Variants in ADAMTS17 observed in about 807,000 individuals in gnomAD.
The protein encoded by ADAMTS17 is ADAM metallopeptidase with thrombospondin type 1 motif 17, also known as A disintegrin and metalloproteinase with thrombospondin motifs 17.
In ADAMTS17, 113 loss-of-function variants were observed where a neutral mutation model predicts 141.5. The ratio of observed to expected loss-of-function variants is 0.80; its 90% CI spans 0.69 to 0.93. The LOEUF is 0.93. ADAMTS17 is among the 40% of genes least tolerant of loss of function. The pLI, the probability that ADAMTS17 is intolerant of heterozygous loss-of-function variation, is 0.00. For missense variants in ADAMTS17, 1,659 were observed against 1,517.9 expected (o/e 1.09, Z -1.54); for synonymous variants, 768 against 630.6 (o/e 1.22, Z -3.27).
chr15:99,991,630 T>C (rs1305499521), intron 20 of ADAMTS17, among the ~76,000 whole-genome samples: 1 of 152,212 alleles, frequency 6.6e-6, no homozygotes, highest in African/African-American at 2.4e-5. Flanking sequence ...CTCAAGGATC[T>C]AGAACCAGAA....
chr15:100,124,307 T>C (rs2037607295), intron 12 of ADAMTS17, among the ~76,000 whole-genome samples: 1 of 152,190 alleles, frequency 6.6e-6, no homozygotes, highest in South Asian at 2.1e-4. Flanking sequence ...GAAGCTTAGA[T>C]ACAAAACCAA....
chr15:100,019,282 C>T (rs1302880077), intron 18 of ADAMTS17, among the ~76,000 whole-genome samples: 1 of 152,086 alleles, frequency 6.6e-6, no homozygotes, highest in Non-Finnish European at 1.5e-5. Flanking sequence ...GAGATGCATA[C>T]ATACCAACAG....
At chr15:100,155,459 A>C (rs543671455) in intron 8 of ADAMTS17, 139 bp from the exon 9 acceptor site, 8 of 1,176,366 alleles carry the variant, frequency 6.8e-6, no homozygotes, top group Non-Finnish European at 9.8e-6. Flanking sequence ...CTCACACAGC[A>C]GACCCACAGT....
At chr15:100,053,401 T>C (rs1208534803) in intron 16 of ADAMTS17, among the ~76,000 whole-genome samples, 5 of 152,134 alleles carry the variant, frequency 3.3e-5, no homozygotes, top group Non-Finnish European at 4.4e-5. Context: ...CTGATCCCCC[T>C]CCCTGATTCC....
At chr15:100,062,430 G>A (rs1047690180) in intron 15 of ADAMTS17, among the ~76,000 whole-genome samples, 17 of 152,316 alleles carry the variant, frequency 1.1e-4, no homozygotes, top group East Asian at 3.9e-4. Flanking sequence ...GCAGGTGTGC[G>A]AGGAGCATCT....
At chr15:100,331,185 A>C in intron 2 of ADAMTS17, 131 bp from the exon 3 acceptor site, 2 of 1,146,866 alleles carry the variant, frequency 1.7e-6, no homozygotes, top group Non-Finnish European at 2.5e-6. Context: ...TTCTTTGCAG[A>C]TTGGTCAGAT....
intron 7 of ADAMTS17, among the ~76,000 whole-genome samples, chr15:100,225,034 G>GAA (rs934876444): frequency 8.5e-5 from 13 of 152,180 alleles, no homozygotes; most frequent in African/African-American, 3.1e-4. Context: ...CTAGAACCAA[G>GAA]TCCTCCCTGT....
Position 99,993,070 on chromosome 15 carries a change from C to T in ADAMTS17, c.2927G>A (p.Trp976Ter). ...ACEDYSGCYE[W>*]KTGDWSTCSS... ...CACCGTAGACCAGTCCCCAGTTTTCCACTCGTAGCAGCCTGAGTAGTCCTC... is the reference window on the plus strand; with the variant it reads ...CACCGTAGACCAGTCCCCAGTTTTCTACTCGTAGCAGCCTGAGTAGTCCTC... Residue 976 changes from tryptophan to a stop codon, truncating the protein, a stop_gained, in exon 20 of 22, where the codon TGG (tryptophan) becomes TAG (stop). Transcript: ENST00000268070. LOFTEE classifies it high-confidence loss of function. This position sits in a 1 kb window ranked among gnomAD's most constrained non-coding sequence, Gnocchi z 4.3. 3 of 1,614,174 alleles carry T rather than the reference C, an allele frequency of 1.9e-6. No homozygotes were observed. Among genetic ancestry groups the T allele is most frequent in the Non-Finnish European group, 2.5e-6 (3 of 1,180,044 alleles).
chr15:100,279,508 A>G (rs1596434440), intron 4 of ADAMTS17, among the ~76,000 whole-genome samples: 1 of 152,026 alleles, frequency 6.6e-6, no homozygotes, highest in East Asian at 1.9e-4. Context: ...TCCCCACTGC[A>G]CCCATTTCGT....
At chr15:100,089,235 A>G (rs1253330300) in intron 15 of ADAMTS17, among the ~76,000 whole-genome samples, 1 of 140,300 alleles carries the variant, frequency 7.1e-6, no homozygotes, top group Non-Finnish European at 1.5e-5. Flanking sequence ...ACATGAAAAA[A>G]TGCTCATCAT....
At chr15:99,990,529 G>C (rs2060669776) in intron 20 of ADAMTS17, among the ~76,000 whole-genome samples, 1 of 152,164 alleles carries the variant, frequency 6.6e-6, no homozygotes, top group Non-Finnish European at 1.5e-5. Flanking sequence ...GGAGTAAATA[G>C]GAAGGAGGTG....
At chr15:100,022,446 T>C (rs2061423099) in intron 18 of ADAMTS17, among the ~76,000 whole-genome samples, 1 of 152,182 alleles carries the variant, frequency 6.6e-6, no homozygotes, top group Non-Finnish European at 1.5e-5. Context: ...AAAGTGACAG[T>C]GGGATAAGTC....
chr15:100,054,054 G>A lies in ADAMTS17; in HGVS notation c.2138C>T (p.Ala713Val). ...KGDFSHARGT[A>V]LKDSGKGSIN... is the part of the protein sequence containing the mutation. ...GGACCCCTTACCCGAGTCTTTGAGA[G>A]CTAGAAAGCAAGTTGAAGACCAAAG... The change falls in exon 16 of 22, where the codon GCT becomes GTT. Residue 713 changes from alanine (A) to valine (V), a missense_variant and splice_region_variant. Transcript: ENST00000268070. 4 of 1,614,182 alleles carry A rather than the reference G, an allele frequency of 2.5e-6. No homozygotes were observed. The highest frequency in any genetic ancestry group is 3.4e-6 in the Non-Finnish European group (4 of 1,180,038).
At chr15:100,087,519 G>A (rs2035186336) in intron 15 of ADAMTS17, among the ~76,000 whole-genome samples, 1 of 152,106 alleles carries the variant, frequency 6.6e-6, no homozygotes, top group South Asian at 2.1e-4. Flanking sequence ...ACCAAAGCCA[G>A]GCAGAGACAC....
chr15:100,155,466 C>G (rs2141372920), intron 8 of ADAMTS17, 146 bp from the exon 9 acceptor site: 1 of 1,132,996 alleles, frequency 8.8e-7, no homozygotes, highest in Non-Finnish European at 1.3e-6. Flanking sequence ...AGCAGACCCA[C>G]AGTCATGTGT....
At chr15:100,250,809 C>T (rs1382191192) in intron 7 of ADAMTS17, among the ~76,000 whole-genome samples, 1 of 152,010 alleles carries the variant, frequency 6.6e-6, no homozygotes, top group Admixed American at 6.5e-5. Context: ...CAGATGTTAC[C>T]ACTGGACAAA....
chr15:100,174,082 T>C (rs1217560495), intron 8 of ADAMTS17, among the ~76,000 whole-genome samples: 1 of 152,228 alleles, frequency 6.6e-6, no homozygotes, highest in East Asian at 1.9e-4. Context: ...GAGCTCTTGG[T>C]CCCATTTAAG....
chr15:100,282,413 C>T (rs11634638), intron 3 of ADAMTS17, among the ~76,000 whole-genome samples: 50,056 of 152,088 alleles, frequency 0.33, 8,565 homozygotes, highest in South Asian at 0.46. Context: ...AAACCACAGA[C>T]AGTACCGAGC....
chr15:100,063,101 G>C (rs932058556), intron 15 of ADAMTS17, among the ~76,000 whole-genome samples: 5 of 152,208 alleles, frequency 3.3e-5, no homozygotes, highest in African/African-American at 1.2e-4. Context: ...TGCATAGTTA[G>C]GAAAACTAGT....
Sources: gnomAD v4.1 joint callset for allele counts (sites outside exome capture counted in the v4.1 genomes callset) on GRCh38, gnomAD v4.1.1 for gene constraint, Gnocchi (gnomAD v3.1) non-coding constraint, MANE v1.5 for transcripts, NCBI Gene and HGNC (gene_info 2026-07-23, HGNC 2026-07-21) for gene names.